The following PDZD2 variants were observed in gnomAD, a reference collection of about 807,000 sequenced individuals.
PDZD2 encodes the protein PDZ domain-containing protein 2.
PDZD2 carries 90 observed loss-of-function variants against 220.7 expected under a neutral mutation model. The ratio of observed to expected loss-of-function variants is 0.41; its 90% CI spans 0.34 to 0.49. The LOEUF is 0.49. Among genes scored for constraint, PDZD2 ranks in the 20% least tolerant of loss-of-function variants. The pLI, the probability that PDZD2 is intolerant of heterozygous loss-of-function variation, is 0.28. For synonymous variants in PDZD2, 1,375 were observed against 1,450.5 expected (o/e 0.95, Z 1.18); for missense variants, 3,174 against 3,608.5 (o/e 0.88, Z 3.08).
At chr5:31,981,182 A>C (rs558372976) in intron 2 of PDZD2, among the ~76,000 whole-genome samples, 17 of 152,180 alleles carry the variant, frequency 1.1e-4, no homozygotes, top group African/African-American at 3.6e-4. Flanking sequence ...TGTACATGTA[A>C]GTTTACTACC....
intron 1 of PDZD2, among the ~76,000 whole-genome samples, chr5:31,740,169 G>A (rs191887892): frequency 5.3e-4 from 81 of 152,050 alleles, no homozygotes; most frequent in African/African-American, 1.1e-3. Context: ...CTCCTGTTGC[G>A]ATTCTTCAAA....
At chr5:32,020,858 C>T (rs1409290608) in intron 6 of PDZD2, among the ~76,000 whole-genome samples, 1 of 151,782 alleles carries the variant, frequency 6.6e-6, no homozygotes, top group African/African-American at 2.4e-5. Context: ...GTTGGCCAGG[C>T]TGGTCTTGAA....
At position 31,646,019 on chromosome 5, in the gene PDZD2, A is replaced by G. The variant is rs1221555053; in HGVS notation, c.-361+6582A>G. On this transcript the variant is annotated intron_variant, in intron 1 of 24. Coordinates refer to ENST00000438447, the MANE Select transcript of PDZD2 (RefSeq NM_178140.4). The surrounding 1 kb of genome is among the most constrained non-coding windows in gnomAD (Gnocchi z 4.7). The stretch of plus-strand genomic sequence containing the variant: ...ATCCCCAGGCAGCTGGTGGGAGGAG[A>G]GAGGGTGTCAGGGAGCTTTGCACTG... Among the ~76,000 whole-genome samples the G allele has an allele frequency of 3.0e-5, 4 of 133,774 alleles. No homozygotes were observed. The East Asian group carries it at 8.3e-4, about 28-fold the overall frequency. 87.8% of individuals were successfully genotyped at this position (133,774 alleles called of 152,430 possible). A position where few individuals can be genotyped will look rare whatever the true frequency, so the allele number is the denominator to read the frequency against.
chr5:31,663,440 A>G (rs980945301), intron 1 of PDZD2, among the ~76,000 whole-genome samples: 3 of 152,296 alleles, frequency 2.0e-5, no homozygotes, highest in East Asian at 3.9e-4. Context: ...TTATAGAACT[A>G]CTTTTAAACA....
chr5:31,887,635 T>G (rs191471695), intron 2 of PDZD2, among the ~76,000 whole-genome samples: 1 of 152,322 alleles, frequency 6.6e-6, no homozygotes, highest in Non-Finnish European at 1.5e-5. Flanking sequence ...TCCGTTGTTC[T>G]GTTGGAACAA....
At chr5:31,697,776 GC>G (rs1747435320) in intron 1 of PDZD2, among the ~76,000 whole-genome samples, 1 of 152,144 alleles carries the variant, frequency 6.6e-6, no homozygotes, top group African/African-American at 2.4e-5. Context: ...CTCCCTTCAA[GC>G]CAAGAAGCCA....
At chr5:31,880,430 C>T (rs1485623598) in intron 2 of PDZD2, among the ~76,000 whole-genome samples, 1 of 152,186 alleles carries the variant, frequency 6.6e-6, no homozygotes, top group Non-Finnish European at 1.5e-5. Context: ...TTCATCGCTG[C>T]TTCAATAGTC....
At chr5:31,968,513 C>T (rs1242820686) in intron 2 of PDZD2, among the ~76,000 whole-genome samples, 3 of 152,012 alleles carry the variant, frequency 2.0e-5, no homozygotes, top group East Asian at 3.9e-4. Flanking sequence ...ATTAGCTAGG[C>T]ATGGTGGCGT....
At chr5:31,657,020 C>T (rs1309266834) in intron 1 of PDZD2, among the ~76,000 whole-genome samples, 1 of 152,160 alleles carries the variant, frequency 6.6e-6, no homozygotes, top group African/African-American at 2.4e-5. Context: ...CTTTGTAGCC[C>T]TCAGCTCGGG....
At chr5:31,941,028 C>T (rs985650168) in intron 2 of PDZD2, among the ~76,000 whole-genome samples, 5 of 152,072 alleles carry the variant, frequency 3.3e-5, no homozygotes, top group Admixed American at 3.3e-4. Flanking sequence ...AATAGAAGAC[C>T]ACAAGCCATG....
At chr5:32,101,369 G>A (rs1326207331) in intron 24 of PDZD2, 130 bp downstream of exon 24, 3 of 856,984 alleles carry the variant, frequency 3.5e-6, no homozygotes, top group Admixed American at 2.9e-5. Flanking sequence ...TGACATACAA[G>A]GTTTATTCTG....
chr5:31,990,858 C>T (rs992690932), intron 3 of PDZD2, among the ~76,000 whole-genome samples: 3 of 152,138 alleles, frequency 2.0e-5, no homozygotes, highest in Non-Finnish European at 4.4e-5. Context: ...GAAAGCTGGC[C>T]GGGCAGTGTC....
chr5:31,937,774 G>C (rs1206242678), intron 2 of PDZD2, among the ~76,000 whole-genome samples: 1 of 152,172 alleles, frequency 6.6e-6, no homozygotes, highest in Non-Finnish European at 1.5e-5. Flanking sequence ...CCTGTTGTGT[G>C]TGTCCCCTTT....
At chr5:32,063,393 A>G (rs900587575) in intron 14 of PDZD2, among the ~76,000 whole-genome samples, 1 of 152,170 alleles carries the variant, frequency 6.6e-6, no homozygotes, top group Non-Finnish European at 1.5e-5. Flanking sequence ...AAGGAAAGAG[A>G]GAAGATCCTT....
Position 32,052,611 on chromosome 5 carries a change from GA to G in PDZD2, c.1668del (p.Glu556AspfsTer5), listed in dbSNP as rs778044769. On this transcript the variant is annotated frameshift_variant and splice_region_variant, in exon 9 of 25. Transcript: ENST00000438447. LOFTEE classifies it high-confidence loss of function. ...GACCTTGCCGTGTGCTGACTTTTAG[GA>G]ATACCACATTGTGAAGAAGTCTACC... ...QLLDSSSASQ[E>X]YHIVKKSTRS... The G allele has an allele frequency of 6.2e-7, 1 of 1,613,770 alleles. No homozygotes were observed. The highest frequency in any genetic ancestry group is 1.1e-5 in the South Asian group (1 of 91,068).
intron 12 of PDZD2, 48 bp from the exon 13 acceptor site, chr5:32,059,191 G>A (rs1008769869): frequency 2.1e-6 from 2 of 961,838 alleles, no homozygotes; most frequent in Admixed American, 1.9e-5. Context: ...TTTTTCTAGT[G>A]ATTGTGTAAT....
chr5:31,750,511 C>CA (rs1750889817), intron 1 of PDZD2, among the ~76,000 whole-genome samples: 1 of 152,176 alleles, frequency 6.6e-6, no homozygotes, highest in African/African-American at 2.4e-5. Context: ...AGCATGAACA[C>CA]AATGTGCAAG....
chr5:32,093,082 A>G (rs1018116046), intron 21 of PDZD2, 58 bp downstream of exon 21: 17 of 888,238 alleles, frequency 1.9e-5, no homozygotes, highest in Non-Finnish European at 3.2e-5. Flanking sequence ...GTGCCCAGGT[A>G]TGTGCTGCCT....
intron 2 of PDZD2, among the ~76,000 whole-genome samples, chr5:31,819,914 G>A (rs1222490601): frequency 6.6e-6 from 1 of 152,186 alleles, no homozygotes; most frequent in East Asian, 1.9e-4. Context: ...ACTACGTGCA[G>A]AATTCTCTAT....
Sources: allele counts gnomAD v4.1 joint callset (sites outside exome capture counted in the v4.1 genomes callset), GRCh38; gene constraint gnomAD v4.1.1; non-coding constraint Gnocchi (gnomAD v3.1); transcripts MANE v1.5; gene names NCBI Gene and HGNC (gene_info 2026-07-23, HGNC 2026-07-21).